The following LHFPL3 variants were observed in gnomAD, a reference collection of about 807,000 sequenced individuals.
LHFPL3 encodes LHFPL tetraspan subfamily member 3 protein.
LHFPL3 carries 5 observed loss-of-function variants against 19.3 expected under a neutral mutation model. The observed-to-expected ratio is 0.26, with a 90% confidence interval of 0.14 to 0.54. The LOEUF (loss-of-function observed/expected upper bound fraction) is 0.54. Among genes scored for constraint, LHFPL3 ranks in the 20% least tolerant of loss-of-function variants. The pLI, the probability that LHFPL3 is intolerant of heterozygous loss-of-function variation, is 0.94. For missense variants in LHFPL3, 249 were observed against 307.4 expected, an observed-to-expected ratio of 0.81 and a Z score of 1.42; for synonymous variants, 133 against 126.2, an observed-to-expected ratio of 1.05 and a Z score of -0.36.
At chr7:104,614,779 C>T (rs181354610) in intron 1 of LHFPL3, among the ~76,000 whole-genome samples, 4 of 149,384 alleles carry the variant, frequency 2.7e-5, no homozygotes, top group African/African-American at 9.9e-5. Context: ...GAGATAGGGT[C>T]TCACTTTGTC....
At chr7:104,669,020 C>G (rs1488586475) in intron 1 of LHFPL3, 1 of 1,611,960 alleles carries the variant, frequency 6.2e-7, no homozygotes, top group African/African-American at 1.3e-5. Context: ...TCATCACAGA[C>G]TGGGACCTCC....
At position 104,576,157 on chromosome 7, in the gene LHFPL3, C is replaced by G. The variant is rs1790335153; in HGVS notation, c.446-160518C>G. 2.0e-5 allele frequency among the ~76,000 whole-genome samples: 3 copies of G among 151,224 alleles called. No individual in the cohort carries two copies. The East Asian group carries it at 5.8e-4, about 29-fold the overall frequency. On this transcript the variant is annotated intron_variant, in intron 1 of 2. Transcript: ENST00000424859. ...TGAGGAGCAAGCACAGAAAGAAGAT[C>G]CAGGAAAAAAAAATTAGAAAAAAGA...
At chr7:104,565,198 G>A (rs952862164) in intron 1 of LHFPL3, among the ~76,000 whole-genome samples, 5 of 152,200 alleles carry the variant, frequency 3.3e-5, no homozygotes, top group Non-Finnish European at 7.3e-5. Flanking sequence ...TAAGATGACA[G>A]ATTTACTGAA....
intron 2 of LHFPL3, among the ~76,000 whole-genome samples, chr7:104,849,354 G>T (rs79761760): frequency 6.6e-6 from 1 of 152,150 alleles, no homozygotes; most frequent in Non-Finnish European, 1.5e-5. Context: ...CTGAGCTCCC[G>T]AGAGTCTGAA....
chr7:104,750,212 G>A (rs1411099540), intron 2 of LHFPL3, among the ~76,000 whole-genome samples: 1 of 152,122 alleles, frequency 6.6e-6, no homozygotes, highest in African/African-American at 2.4e-5. Context: ...TTTTGTTTAG[G>A]CCAATTTTTT....
chr7:104,757,172 T>C (rs756254349), intron 2 of LHFPL3, among the ~76,000 whole-genome samples: 10 of 152,190 alleles, frequency 6.6e-5, no homozygotes, highest in Non-Finnish European at 1.3e-4. Context: ...AGAATCAAAC[T>C]GGACCCTTAT....
intron 1 of LHFPL3, among the ~76,000 whole-genome samples, chr7:104,673,519 A>G (rs929162072): frequency 6.6e-6 from 1 of 152,232 alleles, no homozygotes; most frequent in African/African-American, 2.4e-5. Context: ...CATGGACTAC[A>G]TGAAATCTGA....
chr7:104,822,756 C>G (rs190402580), intron 2 of LHFPL3, among the ~76,000 whole-genome samples: 3 of 152,088 alleles, frequency 2.0e-5, no homozygotes, highest in Admixed American at 1.3e-4. Flanking sequence ...TTCAAAATAG[C>G]TATTATCTTC....
At chr7:104,447,282 A>G (rs1792348332) in intron 1 of LHFPL3, among the ~76,000 whole-genome samples, 1 of 152,192 alleles carries the variant, frequency 6.6e-6, no homozygotes, top group Non-Finnish European at 1.5e-5. Flanking sequence ...GAAACTTCCA[A>G]TGATAACTTA....
intron 1 of LHFPL3, among the ~76,000 whole-genome samples, chr7:104,729,087 G>A (rs1447283048): frequency 6.6e-6 from 1 of 152,080 alleles, no homozygotes; most frequent in South Asian, 2.1e-4. Flanking sequence ...GTATTCTCCA[G>A]GATTTCTTAA....
At chr7:104,618,531 T>C in intron 1 of LHFPL3, among the ~76,000 whole-genome samples, 1 of 152,194 alleles carries the variant, frequency 6.6e-6, no homozygotes, top group East Asian at 1.9e-4. Context: ...AATTGCCTCA[T>C]GTTTAAGATT....
At chr7:104,502,685 T>C (rs1344126467) in intron 1 of LHFPL3, among the ~76,000 whole-genome samples, 5 of 152,170 alleles carry the variant, frequency 3.3e-5, no homozygotes, top group Admixed American at 2.6e-4. Context: ...GAAGATAAAA[T>C]GGACTAAGAA....
chr7:104,819,920 C>T (rs988195774), intron 2 of LHFPL3, among the ~76,000 whole-genome samples: 6 of 152,156 alleles, frequency 3.9e-5, no homozygotes, highest in African/African-American at 1.4e-4. Flanking sequence ...CTGGCCCCAA[C>T]AGAAGGGCAA....
intron 1 of LHFPL3, among the ~76,000 whole-genome samples, chr7:104,700,958 G>T (rs1001720482): frequency 3.3e-5 from 5 of 152,018 alleles, no homozygotes; most frequent in African/African-American, 4.8e-5. Context: ...TGCTCTACTG[G>T]TTAGGATCTA....
intron 1 of LHFPL3, among the ~76,000 whole-genome samples, chr7:104,683,272 G>C (rs1248547006): frequency 1.3e-5 from 2 of 152,198 alleles, no homozygotes; most frequent in Non-Finnish European, 2.9e-5. Flanking sequence ...ATACAGGCGT[G>C]AGCCACCGCA....
At position 104,505,525 on chromosome 7, in the gene LHFPL3, G is replaced by A. The variant is rs184185662; in HGVS notation, c.445+176301G>A. Reference sequence around the variant, plus strand: ...TTCCAGACAAAAGAGGCATGATAACGCACTGGGTTTCATGGAGAAAATTGT... The same window carrying A: ...TTCCAGACAAAAGAGGCATGATAACACACTGGGTTTCATGGAGAAAATTGT... On this transcript the variant is annotated intron_variant, in intron 1 of 2. Coordinates refer to ENST00000424859, the MANE Select transcript of LHFPL3 (RefSeq NM_199000.3). Among the ~76,000 whole-genome samples, 9 of 152,292 alleles carry A rather than the reference G, an allele frequency of 5.9e-5. No homozygotes were observed. In the East Asian group the frequency reaches 1.2e-3, roughly 20 times the overall value.
chr7:104,713,511 C>T (rs1793330965), intron 1 of LHFPL3, among the ~76,000 whole-genome samples: 1 of 152,072 alleles, frequency 6.6e-6, no homozygotes, highest in Non-Finnish European at 1.5e-5. Context: ...TCCAAACAAC[C>T]AGATCTCATG....
At position 104,430,389 on chromosome 7, in the gene LHFPL3, T is replaced by C. The variant is rs867124368; in HGVS notation, c.445+101165T>C. ...CTGTGGGTATATATATATACATATATATATATATATATATACATATATATA... is the reference window on the plus strand; with the variant it reads ...CTGTGGGTATATATATATACATATACATATATATATATATACATATATATA... On this transcript the variant is annotated intron_variant, in intron 1 of 2. Transcript: ENST00000424859. 3.3e-4 allele frequency among the ~76,000 whole-genome samples: 17 copies of C among 51,076 alleles called. 2 individuals carry two copies. Among genetic ancestry groups the C allele is most frequent in the African/African-American group, 2.7e-3 (17 of 6,270 alleles). 33.5% of individuals were successfully genotyped at this position (51,076 alleles called of 152,430 possible).
At chr7:104,463,807 T>G (rs1461587386) in intron 1 of LHFPL3, among the ~76,000 whole-genome samples, 1 of 152,206 alleles carries the variant, frequency 6.6e-6, no homozygotes, top group African/African-American at 2.4e-5. Flanking sequence ...TTATGGGAAC[T>G]ACAATTCAAG....
Sources: gnomAD v4.1 joint callset for allele counts (sites outside exome capture counted in the v4.1 genomes callset) on GRCh38, gnomAD v4.1.1 for gene constraint, MANE v1.5 for transcripts, NCBI Gene and HGNC (gene_info 2026-07-23, HGNC 2026-07-21) for gene names.